ADGRL3: variants seen among roughly 807,000 people sequenced by gnomAD.
ADGRL3 encodes calcium-independent alpha-latrotoxin receptor 3.
Under a neutral mutation model 153.5 loss-of-function variants are expected in ADGRL3, and 62 were observed. The observed-to-expected ratio is 0.40, with a 90% CI of 0.33 to 0.50. ADGRL3 has a LOEUF of 0.50. Ranked by LOEUF, ADGRL3 falls within the 20% of genes least tolerant of loss-of-function variation. The pLI, the probability that ADGRL3 is intolerant of heterozygous loss-of-function variation, is 0.47. For synonymous variants in ADGRL3, 710 were observed against 672.5 expected (o/e 1.06, Z -0.86); for missense variants, 1,641 against 1,859.4 (o/e 0.88, Z 2.16).
At chr4:61,884,959 T>G (rs1157211242) in intron 9 of ADGRL3, among the ~76,000 whole-genome samples, 1 of 150,856 alleles carries the variant, frequency 6.6e-6, no homozygotes, top group Non-Finnish European at 1.5e-5. Flanking sequence ...ACTTGGAATA[T>G]TGAGAACCTG....
chr4:62,027,067 C>A (rs1032856606), intron 21 of ADGRL3, among the ~76,000 whole-genome samples: 1 of 151,892 alleles, frequency 6.6e-6, no homozygotes, highest in South Asian at 2.1e-4. Flanking sequence ...TAGAATTATT[C>A]GAATCGTGAA....
chr4:61,934,958 G>C lies in ADGRL3; in HGVS notation c.2231G>C (p.Ser744Thr). The change falls in exon 14 of 27, where the codon AGT becomes ACT. Residue 744 changes from serine to threonine, a missense_variant. By Grantham distance (58) the Ser-to-Thr change is moderately conservative (BLOSUM62 1). Transcript: ENST00000683033. ...ATGTTGCTTCATACTGTGGAGGAAA[G>C]TGCTTTTGTGCTGGCTGATAACCTT... ...ATMLLHTVEE[S>T]AFVLADNLLK... 1 of 1,613,888 alleles carries C rather than the reference G, an allele frequency of 6.2e-7. No homozygotes were observed. Among genetic ancestry groups the C allele is most frequent in the South Asian group, 1.1e-5 (1 of 91,078 alleles).
At chr4:61,232,809 T>C (rs1165023582) in intron 1 of ADGRL3, among the ~76,000 whole-genome samples, 4 of 152,098 alleles carry the variant, frequency 2.6e-5, no homozygotes, top group Non-Finnish European at 5.9e-5. Flanking sequence ...ACACTCACAA[T>C]ATGATGTTAG....
rs549683789 is a variant in ADGRL3, at chr4:61,250,640, G to A, written c.-240+48875G>A. Reference sequence around the variant, plus strand: ...AGTAAATTTTCCTGAAAGTGAAATCGTTTAGTGATACTTATACATTAGTAC... The same window carrying A: ...AGTAAATTTTCCTGAAAGTGAAATCATTTAGTGATACTTATACATTAGTAC... On this transcript the variant is annotated intron_variant, in intron 1 of 26. Coordinates refer to ENST00000683033, the MANE Select transcript of ADGRL3 (RefSeq NM_001387552.1). Among the ~76,000 whole-genome samples the A allele has an allele frequency of 9.9e-5, 15 of 152,268 alleles. No individual in the cohort carries two copies. In the East Asian group the frequency reaches 1.7e-3, roughly 18 times the overall value.
intron 8 of ADGRL3, among the ~76,000 whole-genome samples, chr4:61,796,950 A>G (rs2097422387): frequency 6.6e-6 from 1 of 152,164 alleles, no homozygotes; most frequent in Admixed American, 6.5e-5. Context: ...TTTGTGGTAG[A>G]ATTGTTTTCC....
chr4:61,477,123 C>A (rs2152715030), intron 2 of ADGRL3, among the ~76,000 whole-genome samples: 1 of 152,058 alleles, frequency 6.6e-6, no homozygotes, highest in South Asian at 2.1e-4. Flanking sequence ...TTTTTCAGTT[C>A]AATACATCTA....
intron 2 of ADGRL3, among the ~76,000 whole-genome samples, chr4:61,409,842 A>G (rs1453041830): frequency 6.6e-6 from 1 of 152,034 alleles, no homozygotes; most frequent in African/African-American, 2.4e-5. Context: ...TGTTATCTTT[A>G]TATTTTCAAA....
At chr4:61,465,758 A>AATAAAT (rs71664991) in intron 2 of ADGRL3, among the ~76,000 whole-genome samples, 208 of 130,156 alleles carry the variant, frequency 1.6e-3, no homozygotes, top group Non-Finnish European at 2.1e-3. Context: ...ATTATATATA[A>AATAAAT]ATATATATAT....
chr4:61,577,900 T>C (rs938933911), intron 4 of ADGRL3, among the ~76,000 whole-genome samples: 3 of 151,986 alleles, frequency 2.0e-5, no homozygotes, highest in African/African-American at 7.2e-5. Flanking sequence ...TCTATATTAG[T>C]ACAGTAGATT....
At chr4:61,360,512 A>C (rs2096266728) in intron 1 of ADGRL3, among the ~76,000 whole-genome samples, 1 of 152,174 alleles carries the variant, frequency 6.6e-6, no homozygotes, top group Non-Finnish European at 1.5e-5. Context: ...AATTCCGGCA[A>C]GTTATGGTTG....
intron 2 of ADGRL3, among the ~76,000 whole-genome samples, chr4:61,487,112 G>C (rs77233128): frequency 0.031 from 4,735 of 152,266 alleles, 259 homozygotes; most frequent in African/African-American, 0.1. Context: ...CTAGCTGAAA[G>C]CTCCTCACAT....
intron 26 of ADGRL3, among the ~76,000 whole-genome samples, chr4:62,068,516 G>A (rs1744182129): frequency 6.6e-6 from 1 of 151,884 alleles, no homozygotes; most frequent in African/African-American, 2.4e-5. Context: ...AATGTGTCAC[G>A]TGCAACATAT....
chr4:61,336,957 G>T (rs906476455), intron 1 of ADGRL3, among the ~76,000 whole-genome samples: 1 of 151,436 alleles, frequency 6.6e-6, no homozygotes, highest in African/African-American at 2.4e-5. Context: ...TCCATAAAGC[G>T]GTGTTTGGAA....
At chr4:61,653,943 G>A (rs944570760) in intron 5 of ADGRL3, among the ~76,000 whole-genome samples, 13 of 152,174 alleles carry the variant, frequency 8.5e-5, no homozygotes, top group African/African-American at 1.9e-4. Flanking sequence ...AATAGATGTC[G>A]CTACATTCAA....
intron 5 of ADGRL3, among the ~76,000 whole-genome samples, chr4:61,601,751 A>G (rs1361929617): frequency 1.3e-5 from 2 of 152,194 alleles, no homozygotes; most frequent in Non-Finnish European, 2.9e-5. Context: ...GCTAAGGAAG[A>G]CAACATAATT....
Position 61,931,991 on chromosome 4 carries a change from T to TTATATA in ADGRL3, c.2113-2839_2113-2834dup, listed in dbSNP as rs576848954. On this transcript the variant is annotated intron_variant, in intron 13 of 26. Coordinates refer to ENST00000683033, the MANE Select transcript of ADGRL3 (RefSeq NM_001387552.1). ...CAGGTTCCTGAATCTGTTCATTAGTTTATATATATATATATTTACACACGT... is the reference window on the plus strand; with the variant it reads ...CAGGTTCCTGAATCTGTTCATTAGTTTATATATATATATATATATATTTACACACGT... Among the ~76,000 whole-genome samples, 22 of 150,826 alleles carry TTATATA rather than the reference T, an allele frequency of 1.5e-4. No individual in the cohort carries two copies. The East Asian group carries it at 2.5e-3, about 17-fold the overall frequency.
At chr4:61,544,958 A>C (rs1226712793) in intron 4 of ADGRL3, among the ~76,000 whole-genome samples, 1 of 152,182 alleles carries the variant, frequency 6.6e-6, no homozygotes, top group Admixed American at 6.5e-5. Context: ...AAAAATGTTA[A>C]AACACATTGT....
At chr4:61,402,202 G>T (rs2096937304) in intron 2 of ADGRL3, among the ~76,000 whole-genome samples, 1 of 152,054 alleles carries the variant, frequency 6.6e-6, no homozygotes, top group African/African-American at 2.4e-5. Context: ...AATCTTGTGG[G>T]CTGTAGTTTG....
chr4:61,912,527 T>A (rs532755158), intron 12 of ADGRL3, among the ~76,000 whole-genome samples, 192 bp from the exon 13 acceptor site: 1 of 152,312 alleles, frequency 6.6e-6, no homozygotes, highest in Middle Eastern at 3.4e-3. Flanking sequence ...TCTGAAAGGA[T>A]GTTGGCTACT....
Sources: allele counts gnomAD v4.1 joint callset (sites outside exome capture counted in the v4.1 genomes callset), GRCh38; gene constraint gnomAD v4.1.1; transcripts MANE v1.5; gene names NCBI Gene and HGNC (gene_info 2026-07-23, HGNC 2026-07-21).